Variants in CACNA1D observed in about 807,000 individuals in gnomAD.
The protein encoded by CACNA1D is calcium voltage-gated channel subunit alpha1 D.
CACNA1D carries 55 observed loss-of-function variants against 257.1 expected under a neutral mutation model. That is an observed-to-expected ratio of 0.21 (90% CI 0.17 to 0.27). The LOEUF (loss-of-function observed/expected upper bound fraction) is 0.27. Among genes scored for constraint, CACNA1D ranks in the 10% least tolerant of loss-of-function variants. The pLI, the probability that CACNA1D is intolerant of heterozygous loss-of-function variation, is 1.00. For missense variants in CACNA1D, 1,876 were observed against 2,784.0 expected (o/e 0.67, Z 7.34); for synonymous variants, 980 against 1,014.9 (o/e 0.97, Z 0.65).
At chr3:53,556,793 G>A (rs1023382051) in intron 3 of CACNA1D, among the ~76,000 whole-genome samples, 1 of 151,444 alleles carries the variant, frequency 6.6e-6, no homozygotes, top group Admixed American at 6.6e-5. Context: ...TTGGCTCACT[G>A]CAACTTCTGC....
intron 3 of CACNA1D, among the ~76,000 whole-genome samples, chr3:53,617,298 G>C (rs1279320260): frequency 1.3e-5 from 2 of 152,130 alleles, no homozygotes; most frequent in Non-Finnish European, 2.9e-5. Context: ...CAGTGGGTGG[G>C]GTGGAGGTAG....
intron 47 of CACNA1D, among the ~76,000 whole-genome samples, chr3:53,810,731 C>A (rs1277764486): frequency 2.3e-5 from 3 of 132,148 alleles, no homozygotes; most frequent in Non-Finnish European, 1.6e-5. Flanking sequence ...GCACTCCAGC[C>A]TGGGCCACAG....
At chr3:53,582,759 C>G (rs1164144394) in intron 3 of CACNA1D, among the ~76,000 whole-genome samples, 1 of 152,122 alleles carries the variant, frequency 6.6e-6, no homozygotes, top group African/African-American at 2.4e-5. Flanking sequence ...GTGCAAGTAG[C>G]CTGGCAAGTT....
chr3:53,600,743 G>T (rs1423361156), intron 3 of CACNA1D, among the ~76,000 whole-genome samples: 1 of 152,184 alleles, frequency 6.6e-6, no homozygotes, highest in Non-Finnish European at 1.5e-5. Context: ...TGTGGTCCTT[G>T]TTCTTAGGGA....
At chr3:53,653,165 C>T (rs370051960) in intron 4 of CACNA1D, among the ~76,000 whole-genome samples, 5 of 152,106 alleles carry the variant, frequency 3.3e-5, no homozygotes, top group South Asian at 2.1e-4. Flanking sequence ...GCAAGAGAAT[C>T]GCTTGAACCT....
At chr3:53,804,954 A>T (rs759057538) in intron 44 of CACNA1D, 29 bp from the exon 45 acceptor site, 5 of 1,610,900 alleles carry the variant, frequency 3.1e-6, no homozygotes, top group Non-Finnish European at 3.4e-6. Flanking sequence ...GTTACCTAGA[A>T]CCTTACTGCC....
rs778864893 is a variant in CACNA1D at position 53,719,725 on chromosome 3, G to C, written c.1479-30G>C. On this transcript the variant is annotated intron_variant, in intron 10 of 47. Coordinates refer to ENST00000350061, the MANE Select transcript of CACNA1D (RefSeq NM_001128840.3). ...GTGTGTGCTCAAGCCCTCGGAACCA[G>C]AATCTTAACACTTTTTGTCTTTCTT... 9.3e-6 allele frequency: 15 copies of C among 1,610,332 alleles called. No individual in the cohort carries two copies. In the African/African-American group the frequency reaches 2.0e-4, roughly 22 times the overall value.
At chr3:53,799,635 C>T (rs927522286) in intron 40 of CACNA1D, among the ~76,000 whole-genome samples, 4 of 152,224 alleles carry the variant, frequency 2.6e-5, no homozygotes, top group Non-Finnish European at 5.9e-5. Flanking sequence ...ATCCTGATGA[C>T]CACGGTGGCC....
At chr3:53,505,712 C>A (rs1330361393) in intron 3 of CACNA1D, among the ~76,000 whole-genome samples, 1 of 152,176 alleles carries the variant, frequency 6.6e-6, no homozygotes, top group Non-Finnish European at 1.5e-5. Flanking sequence ...GTCTGCGGCC[C>A]TTCTTGTGCA....
chr3:53,707,964 CT>C (rs1281272114), intron 9 of CACNA1D, among the ~76,000 whole-genome samples: 1 of 152,242 alleles, frequency 6.6e-6, no homozygotes, highest in East Asian at 1.9e-4. Flanking sequence ...AACTTCATCT[CT>C]GACCACAAGG....
intron 3 of CACNA1D, among the ~76,000 whole-genome samples, chr3:53,539,297 A>C (rs1227534888): frequency 2.6e-5 from 4 of 151,960 alleles, no homozygotes; most frequent in Non-Finnish European, 4.4e-5. Flanking sequence ...TTTAGTAGAG[A>C]CAGGTTTTCA....
chr3:53,747,351 C>A lies in CACNA1D; in HGVS notation c.3217C>A (p.Arg1073Ser). The A allele has an allele frequency of 6.2e-7, 1 of 1,613,804 alleles. No individual in the cohort carries two copies. The highest frequency in any genetic ancestry group is 2.2e-5 in the East Asian group (1 of 44,878). The change falls in exon 26 of 48, where the codon CGT becomes AGT. Residue 1073 changes from arginine (R) to serine (S), a missense_variant. Arg to Ser is a moderately radical substitution (Grantham distance 110). Transcript: ENST00000350061. Reference protein sequence around the residue: ...KDGDVDSPVVRERIWQNSDFN... With the variant: ...KDGDVDSPVVSERIWQNSDFN... ...TGGGGATGTTGACAGTCCTGTGGTC[C>A]GTGAACGGATCTGGCAAAACAGTGA...
At chr3:53,809,902 T>C (rs1356036186) in intron 46 of CACNA1D, 76 bp from the exon 47 acceptor site, 1 of 1,391,100 alleles carries the variant, frequency 7.2e-7, no homozygotes. Flanking sequence ...GCGCCGGTGC[T>C]TGGTCTGTGC....
chr3:53,737,472 T>G (rs1384545811), intron 20 of CACNA1D, among the ~76,000 whole-genome samples: 1 of 152,186 alleles, frequency 6.6e-6, no homozygotes, highest in Non-Finnish European at 1.5e-5. Context: ...ACTTGAGATT[T>G]TGGGGTCTGA....
At chr3:53,808,307 G>C (rs984013945) in intron 45 of CACNA1D, 4 of 301,462 alleles carry the variant, frequency 1.3e-5, no homozygotes, top group Non-Finnish European at 1.9e-5. Flanking sequence ...CCAGCTACTC[G>C]GGAGGCTGAG....
At chr3:53,516,920 G>A (rs1359254198) in intron 3 of CACNA1D, among the ~76,000 whole-genome samples, 1 of 152,210 alleles carries the variant, frequency 6.6e-6, no homozygotes, top group Non-Finnish European at 1.5e-5. Context: ...CTTCACTGTT[G>A]CAGTGCTGTG....
chr3:53,796,214 T>C (rs943180942), intron 40 of CACNA1D: 7 of 393,152 alleles, frequency 1.8e-5, no homozygotes, highest in Non-Finnish European at 3.1e-5. Context: ...CCAGAACTTG[T>C]CACCAGCGAG....
chr3:53,646,275 G>A (rs1444982838), intron 3 of CACNA1D, among the ~76,000 whole-genome samples: 2 of 152,186 alleles, frequency 1.3e-5, no homozygotes, highest in African/African-American at 4.8e-5. Context: ...AGCAGGGGAG[G>A]CCAGGTGAGA....
intron 3 of CACNA1D, among the ~76,000 whole-genome samples, chr3:53,507,880 G>A (rs981728340): frequency 6.6e-6 from 1 of 152,048 alleles, no homozygotes; most frequent in Non-Finnish European, 1.5e-5. Context: ...CACTCAAATT[G>A]GCTTAGCTGA....
Sources: gnomAD v4.1 joint callset for allele counts (sites outside exome capture counted in the v4.1 genomes callset) on GRCh38, gnomAD v4.1.1 for gene constraint, MANE v1.5 for transcripts, NCBI Gene and HGNC (gene_info 2026-07-23, HGNC 2026-07-21) for gene names.